MALRD1: variants seen among roughly 807,000 people sequenced by gnomAD.
The protein encoded by MALRD1 is MAM and LDL receptor class A domain containing 1, also known as MAM and LDL-receptor class A domain-containing protein 1.
A neutral mutation model predicts 242.1 loss-of-function variants in MALRD1; 247 were observed. That is an observed-to-expected ratio of 1.02 (90% CI 0.92 to 1.13). MALRD1 has a LOEUF of 1.13. Ranked by LOEUF, MALRD1 falls within the 50% of genes most tolerant of loss-of-function variation. The pLI, the probability that MALRD1 is intolerant of heterozygous loss-of-function variation, is 0.00. For synonymous variants in MALRD1, 995 were observed against 866.6 expected (o/e 1.15, Z -2.60); for missense variants, 2,989 against 2,533.1 (o/e 1.18, Z -3.86).
chr10:19,402,328 T>G (rs1846895122), intron 28 of MALRD1, among the ~76,000 whole-genome samples: 1 of 152,150 alleles, frequency 6.6e-6, no homozygotes, highest in South Asian at 2.1e-4. Context: ...TGAATTGTAA[T>G]AATCCCCATG....
Position 19,088,013 on chromosome 10 carries a change from G to A in MALRD1, c.436-11G>A, listed in dbSNP as rs1043139144. 1.6e-6 allele frequency: 2 copies of A among 1,233,290 alleles called. No homozygotes were observed. Among genetic ancestry groups the A allele is most frequent in the South Asian group, 8.2e-5 (2 of 24,402 alleles). The allele number at this position is 1,233,290 out of a possible 1,614,324, so 76.4% of individuals were successfully genotyped here. A position where few individuals can be genotyped will look rare whatever the true frequency, so the allele number is the denominator to read the frequency against. ...TATCATAATTGTTTGGGTACTAATT[G>A]TCTTTCACAGATTACATTTTATTAC... On this transcript the variant is annotated splice_polypyrimidine_tract_variant and intron_variant, in intron 3 of 39. Transcript: ENST00000454679.
At chr10:19,725,271 T>C (rs1589447990) in intron 38 of MALRD1, among the ~76,000 whole-genome samples, 1 of 152,172 alleles carries the variant, frequency 6.6e-6, no homozygotes, top group Non-Finnish European at 1.5e-5. Context: ...ATGGGGGTGG[T>C]TACCCTCATG....
chr10:19,444,475 C>G (rs972492800), intron 28 of MALRD1, among the ~76,000 whole-genome samples: 4 of 152,118 alleles, frequency 2.6e-5, no homozygotes, highest in Non-Finnish European at 4.4e-5. Context: ...TTATTGCTTC[C>G]TTCAGGAGCT....
intron 14 of MALRD1, among the ~76,000 whole-genome samples, chr10:19,194,048 A>T (rs532274244): frequency 7.7e-6 from 1 of 130,258 alleles, no homozygotes; most frequent in East Asian, 1.9e-4. Flanking sequence ...ATCTAAAAAA[A>T]TTATATTATT....
At chr10:19,466,066 A>T (rs1466909929) in intron 29 of MALRD1, among the ~76,000 whole-genome samples, 1 of 152,174 alleles carries the variant, frequency 6.6e-6, no homozygotes, top group Non-Finnish European at 1.5e-5. Flanking sequence ...TATGATTAAT[A>T]ATGGGGTTGA....
chr10:19,708,484 T>A (rs1833966247), intron 38 of MALRD1, among the ~76,000 whole-genome samples: 1 of 111,044 alleles, frequency 9.0e-6, no homozygotes. Flanking sequence ...ACCAGAGGCA[T>A]GTACCCAACA....
chr10:19,294,989 A>G (rs764788652), intron 21 of MALRD1, among the ~76,000 whole-genome samples: 87 of 152,034 alleles, frequency 5.7e-4, no homozygotes, highest in Admixed American at 1.2e-3. Context: ...GCAATCTGTA[A>G]TCATCTATTT....
intron 13 of MALRD1, among the ~76,000 whole-genome samples, chr10:19,171,934 T>C (rs1247939117): frequency 7.5e-6 from 1 of 133,146 alleles, no homozygotes; most frequent in Admixed American, 7.7e-5. Flanking sequence ...ATATGTGATA[T>C]ATATATCATA....
chr10:19,194,573 T>G (rs1836147496), intron 14 of MALRD1, among the ~76,000 whole-genome samples: 2 of 152,108 alleles, frequency 1.3e-5, no homozygotes, highest in Non-Finnish European at 2.9e-5. Context: ...GTGAACTAGA[T>G]CCCATCCTTT....
chr10:19,237,016 G>A (rs2076308816), intron 18 of MALRD1, among the ~76,000 whole-genome samples: 1 of 151,770 alleles, frequency 6.6e-6, no homozygotes, highest in Non-Finnish European at 1.5e-5. Flanking sequence ...TTTTCACATT[G>A]TAATTATATA....
At chr10:19,097,211 A>G (rs151260084) in intron 4 of MALRD1, among the ~76,000 whole-genome samples, 141 of 152,312 alleles carry the variant, frequency 9.3e-4, no homozygotes, top group South Asian at 2.1e-3. Flanking sequence ...TAGAGAGTTA[A>G]ATAACCTACT....
chr10:19,248,376 A>G (rs951055379), intron 18 of MALRD1, among the ~76,000 whole-genome samples: 20 of 148,494 alleles, frequency 1.3e-4, no homozygotes, highest in African/African-American at 4.7e-4. Flanking sequence ...TACATAATGA[A>G]TATTAAGGTG....
At chr10:19,253,963 A>C (rs1272032725) in intron 18 of MALRD1, among the ~76,000 whole-genome samples, 1 of 151,982 alleles carries the variant, frequency 6.6e-6, no homozygotes. Context: ...TGGTTTTATA[A>C]GGGGTTTCAC....
chr10:19,565,647 T>G (rs1366462245), intron 32 of MALRD1, among the ~76,000 whole-genome samples: 1 of 152,182 alleles, frequency 6.6e-6, no homozygotes, highest in Non-Finnish European at 1.5e-5. Context: ...AAACCAAGTA[T>G]CCACCAGATC....
intron 18 of MALRD1, among the ~76,000 whole-genome samples, chr10:19,230,859 GATTTT>G (rs1367203792): frequency 5.3e-5 from 8 of 152,162 alleles, no homozygotes; most frequent in African/African-American, 1.9e-4. Context: ...TTAATATATA[GATTTT>G]ATTTTATCTT....
chr10:19,246,179 A>G (rs2131765907), intron 18 of MALRD1, among the ~76,000 whole-genome samples: 1 of 152,212 alleles, frequency 6.6e-6, no homozygotes, highest in East Asian at 1.9e-4. Flanking sequence ...CTCTCCCTCT[A>G]CTTTATCTGC....
intron 28 of MALRD1, among the ~76,000 whole-genome samples, chr10:19,419,388 G>A (rs111360843): frequency 2.1e-4 from 32 of 152,204 alleles, no homozygotes; most frequent in African/African-American, 4.1e-4. Flanking sequence ...TCCACCTCCC[G>A]GGTTCAAGTG....
chr10:19,432,916 A>G lies in MALRD1; in HGVS notation c.4846-17391A>G, dbSNP rs530434317. 3.9e-5 allele frequency among the ~76,000 whole-genome samples: 6 copies of G among 152,340 alleles called. No homozygotes were observed. The South Asian group carries it at 8.3e-4, about 21-fold the overall frequency. ...AATAACTTTGGATGCTTTATAATAAACACATTTTAAAATTACATTCTTTAC... is the reference window on the plus strand; with the variant it reads ...AATAACTTTGGATGCTTTATAATAAGCACATTTTAAAATTACATTCTTTAC... On this transcript the variant is annotated intron_variant, in intron 28 of 39. Transcript: ENST00000454679.
chr10:19,240,573 A>G (rs2131743214), intron 18 of MALRD1, among the ~76,000 whole-genome samples: 1 of 152,108 alleles, frequency 6.6e-6, no homozygotes, highest in Admixed American at 6.6e-5. Flanking sequence ...TCTTTTGTCT[A>G]ATTGCTCTGG....
Sources: gnomAD v4.1 joint callset for allele counts (sites outside exome capture counted in the v4.1 genomes callset) on GRCh38, gnomAD v4.1.1 for gene constraint, MANE v1.5 for transcripts, NCBI Gene and HGNC (gene_info 2026-07-23, HGNC 2026-07-21) for gene names.